Variants in CPEB1 observed in about 807,000 individuals in gnomAD.
CPEB1 encodes cytoplasmic polyadenylation element binding protein 1, also known as cytoplasmic polyadenylation element-binding protein 1.
Under a neutral mutation model 65.8 loss-of-function variants are expected in CPEB1, and 7 were observed. That is an observed-to-expected ratio of 0.11 (90% CI 0.06 to 0.20). The LOEUF is 0.20. CPEB1 is among the 10% of genes least tolerant of loss of function. The pLI, the probability that CPEB1 is intolerant of heterozygous loss-of-function variation, is 1.00. For missense variants in CPEB1, 551 were observed against 712.2 expected (o/e 0.77, Z 2.58); for synonymous variants, 262 against 260.0 (o/e 1.01, Z -0.08).
chr15:82,552,681 T>C (rs1376728570), intron 8 of CPEB1, 65 bp from the exon 9 acceptor site: 5 of 1,555,374 alleles, frequency 3.2e-6, no homozygotes. Context: ...AGCCTTGGCT[T>C]TGCAGCAGGG....
chr15:82,556,848 T>G (rs1439868819), intron 5 of CPEB1, among the ~76,000 whole-genome samples: 1 of 152,130 alleles, frequency 6.6e-6, no homozygotes, highest in Non-Finnish European at 1.5e-5. Context: ...AAACCAATGG[T>G]CAGTGAGAAC....
intron 9 of CPEB1, among the ~76,000 whole-genome samples, chr15:82,550,685 G>A (rs1427735239): frequency 6.6e-6 from 1 of 152,166 alleles, no homozygotes; most frequent in East Asian, 1.9e-4. Flanking sequence ...ACAGGAAGGT[G>A]AGGCTCAGGT....
At chr15:82,574,722 CAAAAAA>C (rs534968367) in intron 3 of CPEB1, among the ~76,000 whole-genome samples, 17,398 of 52,088 alleles carry the variant, frequency 0.33, 960 homozygotes, top group Middle Eastern at 0.52. Context: ...GACTCGGTCT[CAAAAAA>C]AAAAAAAAAA....
intron 3 of CPEB1, among the ~76,000 whole-genome samples, chr15:82,576,762 C>T (rs1487355537): frequency 9.2e-5 from 14 of 152,168 alleles, no homozygotes; most frequent in Admixed American, 7.9e-4. Context: ...GTGGCTCATA[C>T]GTGTAGTCCC....
chr15:82,586,822 G>A (rs908262457), intron 3 of CPEB1, among the ~76,000 whole-genome samples: 2 of 152,158 alleles, frequency 1.3e-5, no homozygotes, highest in Non-Finnish European at 2.9e-5. Context: ...ACTATTCCTA[G>A]CCTTTGTTAA....
chr15:82,574,378 A>G (rs1389589692), intron 3 of CPEB1, among the ~76,000 whole-genome samples: 1 of 152,076 alleles, frequency 6.6e-6, no homozygotes, highest in African/African-American at 2.4e-5. Context: ...TTTCTTCTTT[A>G]AAGATGCAAC....
intron 3 of CPEB1, among the ~76,000 whole-genome samples, chr15:82,588,800 CAAA>C (rs2042002587): frequency 6.6e-6 from 1 of 152,100 alleles, no homozygotes; most frequent in Non-Finnish European, 1.5e-5. Flanking sequence ...GTACCCTTAC[CAAA>C]TTTTACTTTT....
chr15:82,578,236 G>A (rs1050301307), intron 3 of CPEB1, among the ~76,000 whole-genome samples: 1 of 152,204 alleles, frequency 6.6e-6, no homozygotes, highest in African/African-American at 2.4e-5. Context: ...TAGGTAAAAC[G>A]TCTTTTCACA....
intron 3 of CPEB1, among the ~76,000 whole-genome samples, chr15:82,625,412 CT>C (rs1317125289): frequency 6.6e-6 from 1 of 152,088 alleles, no homozygotes; most frequent in African/African-American, 2.4e-5. Flanking sequence ...CTATTTACTG[CT>C]CACATACTCC....
intron 3 of CPEB1, among the ~76,000 whole-genome samples, chr15:82,598,412 T>C (rs1004781588): frequency 2.2e-4 from 34 of 152,070 alleles, no homozygotes; most frequent in Non-Finnish European, 1.5e-5. Flanking sequence ...GAGAATCGCT[T>C]GAACGTGGGA....
intron 3 of CPEB1, among the ~76,000 whole-genome samples, chr15:82,602,260 A>C (rs2151197950): frequency 6.6e-6 from 1 of 152,356 alleles, no homozygotes; most frequent in South Asian, 2.1e-4. Context: ...CTCAGGGACC[A>C]ACAAGACATC....
At chr15:82,573,079 CG>C (rs1567192815) in intron 3 of CPEB1, 1 of 1,535,586 alleles carries the variant, frequency 6.5e-7, no homozygotes. Flanking sequence ...CAAGCAGATA[CG>C]GGAAGCATGC....
chr15:82,613,121 C>T (rs1464294410), intron 3 of CPEB1, among the ~76,000 whole-genome samples: 2 of 151,770 alleles, frequency 1.3e-5, no homozygotes, highest in Non-Finnish European at 2.9e-5. Flanking sequence ...AAGAAAATTA[C>T]AAGCTTATCT....
chr15:82,635,348 A>G (rs2046574410), intron 1 of CPEB1, among the ~76,000 whole-genome samples: 1 of 152,226 alleles, frequency 6.6e-6, no homozygotes, highest in Admixed American at 6.5e-5. Flanking sequence ...GGAAGAATGT[A>G]AGTCTTCTAG....
At chr15:82,612,678 T>C (rs942399460) in intron 3 of CPEB1, among the ~76,000 whole-genome samples, 1 of 150,162 alleles carries the variant, frequency 6.7e-6, no homozygotes, top group East Asian at 2.0e-4. Flanking sequence ...CTATTAAAAA[T>C]ACAAAAATTA....
At chr15:82,571,854 TCA>T in intron 3 of CPEB1, 1 of 1,098,246 alleles carries the variant, frequency 9.1e-7, no homozygotes, top group South Asian at 3.6e-5. Flanking sequence ...GCATCATCCC[TCA>T]CAGAACGGGG....
At chr15:82,568,345 T>C (rs1028436549) in intron 4 of CPEB1, among the ~76,000 whole-genome samples, 11 of 152,020 alleles carry the variant, frequency 7.2e-5, no homozygotes, top group Non-Finnish European at 1.0e-4. Context: ...TCTTAAGACA[T>C]TGCAAGCAGG....
At chr15:82,597,249 C>T (rs2042736367) in intron 3 of CPEB1, among the ~76,000 whole-genome samples, 1 of 152,134 alleles carries the variant, frequency 6.6e-6, no homozygotes, top group African/African-American at 2.4e-5. Flanking sequence ...TCAATTGGGC[C>T]TGGAAGGTCG....
At chr15:82,623,362 C>G (rs2045483191) in intron 3 of CPEB1, among the ~76,000 whole-genome samples, 1 of 152,092 alleles carries the variant, frequency 6.6e-6, no homozygotes, top group South Asian at 2.1e-4. Context: ...TTTAGAAGAA[C>G]TAGTGGGGAA....
Sources: gnomAD v4.1 joint callset for allele counts (sites outside exome capture counted in the v4.1 genomes callset) on GRCh38, gnomAD v4.1.1 for gene constraint, MANE v1.5 for transcripts, NCBI Gene and HGNC (gene_info 2026-07-23, HGNC 2026-07-21) for gene names.